CFAP61: variants seen among roughly 807,000 people sequenced by gnomAD.
CFAP61 encodes cilia- and flagella-associated protein 61.
CFAP61 carries 107 observed loss-of-function variants against 135.6 expected under a neutral mutation model. The observed-to-expected ratio is 0.79, with a 90% CI of 0.67 to 0.93. The LOEUF (loss-of-function observed/expected upper bound fraction) is 0.93. Among genes scored for constraint, CFAP61 ranks in the 40% least tolerant of loss-of-function variants. The pLI is 0.00. For synonymous variants in CFAP61, 575 were observed against 578.5 expected, an observed-to-expected ratio of 0.99 and a Z score of 0.09; for missense variants, 1,507 against 1,556.2, an observed-to-expected ratio of 0.97 and a Z score of 0.53.
At position 20,198,497 on chromosome 20, in the gene CFAP61, A is replaced by T. The variant is rs547062711; in HGVS notation, c.1798-1271A>T. On this transcript the variant is annotated intron_variant, in intron 16 of 26. Coordinates refer to ENST00000245957, the MANE Select transcript of CFAP61 (RefSeq NM_015585.4). Reference sequence around the variant, plus strand: ...CATGCTTGGAAACAGATTTCTTCTCAGTCTGCCCTTCCAGTTGATTTCACA... The same window carrying T: ...CATGCTTGGAAACAGATTTCTTCTCTGTCTGCCCTTCCAGTTGATTTCACA... Among the ~76,000 whole-genome samples the T allele has an allele frequency of 1.5e-3, 235 of 152,336 alleles. 1 individual carries two copies. Among genetic ancestry groups the T allele is most frequent in the Non-Finnish European group, 9.4e-4 (64 of 68,028 alleles).
chr20:20,137,780 T>G (rs1383617422), intron 8 of CFAP61, among the ~76,000 whole-genome samples: 1 of 152,098 alleles, frequency 6.6e-6, no homozygotes, highest in Non-Finnish European at 1.5e-5. Context: ...CAAGACAAAG[T>G]CCCCTTTACT....
chr20:20,316,471 C>T (rs2057145390), intron 25 of CFAP61, among the ~76,000 whole-genome samples: 1 of 151,766 alleles, frequency 6.6e-6, no homozygotes, highest in Non-Finnish European at 1.5e-5. Flanking sequence ...GATATACAGT[C>T]ATGTCATCTG....
intron 26 of CFAP61, among the ~76,000 whole-genome samples, chr20:20,342,151 TAA>T (rs955583811): frequency 6.6e-6 from 1 of 152,254 alleles, no homozygotes; most frequent in Non-Finnish European, 1.5e-5. Flanking sequence ...TTCCTTTTTT[TAA>T]AGAACTGTAT....
intron 9 of CFAP61, among the ~76,000 whole-genome samples, chr20:20,156,789 C>T (rs6046668): frequency 0.9 from 137,298 of 152,222 alleles, 62,727 homozygotes; most frequent in Middle Eastern, 0.99. Context: ...TTAAATCTGA[C>T]GAAAGATATT....
Position 20,114,504 on chromosome 20 carries a change from G to A in CFAP61, c.859+15690G>A, listed in dbSNP as rs971395864. Among the ~76,000 whole-genome samples, 8 of 152,152 alleles carry A rather than the reference G, an allele frequency of 5.3e-5. 1 individual carries two copies. The South Asian group carries it at 8.3e-4, about 16-fold the overall frequency. On this transcript the variant is annotated intron_variant, in intron 8 of 26. Coordinates refer to ENST00000245957, the MANE Select transcript of CFAP61 (RefSeq NM_015585.4). The stretch of plus-strand genomic sequence containing the variant: ...GAGAGGCTTCGCATATCTGTTGTTA[G>A]ATTTATTCCTAGATATTTGATATTT...
chr20:20,150,101 C>G (rs2146771244), intron 9 of CFAP61, among the ~76,000 whole-genome samples: 1 of 152,242 alleles, frequency 6.6e-6, no homozygotes, highest in East Asian at 1.9e-4. Flanking sequence ...CCTATTGTTA[C>G]TGGCTTTCCC....
rs112379641 is a variant in CFAP61 at position 20,290,543 on chromosome 20, G to A, written c.3216+152G>A. On this transcript the variant is annotated intron_variant, in intron 24 of 26. Coordinates refer to ENST00000245957, the MANE Select transcript of CFAP61 (RefSeq NM_015585.4). Reference sequence around the variant, plus strand: ...ATCGTCCCCCAAGATGGCCCTTAGTGACTCTCGCACCTTGGTCTTCATGCC... The same window carrying A: ...ATCGTCCCCCAAGATGGCCCTTAGTAACTCTCGCACCTTGGTCTTCATGCC... 9.1e-5 allele frequency: 58 copies of A among 635,806 alleles called. No individual in the cohort carries two copies. In the African/African-American group the frequency reaches 9.2e-4, roughly 10 times the overall value. The allele number at this position is 635,806 out of a possible 1,614,324, so 39.4% of individuals were successfully genotyped here.
chr20:20,255,861 G>C (rs2051503370), intron 20 of CFAP61, among the ~76,000 whole-genome samples: 1 of 152,206 alleles, frequency 6.6e-6, no homozygotes, highest in South Asian at 2.1e-4. Flanking sequence ...CCTTGTGACT[G>C]CCTCGGCCAA....
intron 20 of CFAP61, among the ~76,000 whole-genome samples, chr20:20,256,400 CCACACACACACACA>C (rs35783358): frequency 1.3e-5 from 2 of 148,674 alleles, no homozygotes; most frequent in African/African-American, 2.5e-5. Flanking sequence ...AAAATTTAGG[CCACACACACACACA>C]CACACACACA....
intron 18 of CFAP61, among the ~76,000 whole-genome samples, chr20:20,237,472 AC>A (rs2049686039): frequency 6.6e-6 from 1 of 152,042 alleles, no homozygotes; most frequent in African/African-American, 2.4e-5. Flanking sequence ...CCTCTGTCTC[AC>A]CCCACGAACT....
At chr20:20,284,133 G>GT (rs2147055050) in intron 22 of CFAP61, among the ~76,000 whole-genome samples, 1 of 151,990 alleles carries the variant, frequency 6.6e-6, no homozygotes, top group East Asian at 1.9e-4. Context: ...GTTAGATTTA[G>GT]GTCTACCATT....
chr20:20,053,390 G>GCAGTAA (rs1248529150), intron 1 of CFAP61, among the ~76,000 whole-genome samples: 6 of 152,120 alleles, frequency 3.9e-5, no homozygotes, highest in Non-Finnish European at 8.8e-5. Context: ...CTCCACCAGA[G>GCAGTAA]CAGTACATTT....
At chr20:20,134,400 C>G (rs2050765873) in intron 8 of CFAP61, among the ~76,000 whole-genome samples, 1 of 152,188 alleles carries the variant, frequency 6.6e-6, no homozygotes, top group Admixed American at 6.5e-5. Flanking sequence ...GGAGACAAAG[C>G]AGGACAGGAG....
At chr20:20,281,426 T>C (rs2054189226) in intron 22 of CFAP61, among the ~76,000 whole-genome samples, 1 of 152,182 alleles carries the variant, frequency 6.6e-6, no homozygotes, top group South Asian at 2.1e-4. Flanking sequence ...TAACCTTCCA[T>C]TCCTAGTTTG....
intron 21 of CFAP61, among the ~76,000 whole-genome samples, chr20:20,275,082 G>C (rs1398710262): frequency 2.6e-5 from 4 of 152,124 alleles, no homozygotes; most frequent in African/African-American, 9.7e-5. Context: ...ATATGATGTG[G>C]GCAGAGGCTT....
At position 20,355,661 on chromosome 20, in the gene CFAP61, G is replaced by A. The variant is rs532179838; in HGVS notation, c.3514-4549G>A. On this transcript the variant is annotated intron_variant, in intron 26 of 26. Transcript: ENST00000245957. ...AGGGGAGGTAGTCACACTGTGAGGGGAGGTGATCACACTAAGGGGAGGTGG... is the reference window on the plus strand; with the variant it reads ...AGGGGAGGTAGTCACACTGTGAGGGAAGGTGATCACACTAAGGGGAGGTGG... Among the ~76,000 whole-genome samples the A allele has an allele frequency of 4.7e-5, 7 of 147,940 alleles. No homozygotes were observed. The South Asian group carries it at 1.1e-3, about 23-fold the overall frequency.
chr20:20,075,402 A>G (rs1030770481), intron 5 of CFAP61, 87 bp from the exon 6 acceptor site: 224 of 1,521,366 alleles, frequency 1.5e-4, no homozygotes, highest in Non-Finnish European at 1.9e-4. Context: ...ATTAAGCACA[A>G]TTTAGAATGG....
chr20:20,146,915 C>A (rs2051934266), intron 9 of CFAP61, among the ~76,000 whole-genome samples: 1 of 152,162 alleles, frequency 6.6e-6, no homozygotes, highest in African/African-American at 2.4e-5. Flanking sequence ...CCCCTACCGG[C>A]CAAGTCCCCA....
intron 6 of CFAP61, among the ~76,000 whole-genome samples, chr20:20,080,993 T>C (rs6035544): frequency 0.18 from 27,611 of 150,988 alleles, 2,821 homozygotes; most frequent in Middle Eastern, 0.26. Context: ...AGAGCAAGAC[T>C]CCATCTCAAA....
Sources: gnomAD v4.1 joint callset for allele counts (sites outside exome capture counted in the v4.1 genomes callset) on GRCh38, gnomAD v4.1.1 for gene constraint, MANE v1.5 for transcripts, NCBI Gene and HGNC (gene_info 2026-07-23, HGNC 2026-07-21) for gene names.